Variants in GDAP1 observed in about 807,000 individuals in gnomAD.
The protein encoded by GDAP1 is ganglioside-induced differentiation-associated protein 1.
A neutral mutation model predicts 40.1 loss-of-function variants in GDAP1; 34 were observed. That is an observed-to-expected ratio of 0.85 (90% confidence interval 0.64 to 1.13). The LOEUF (loss-of-function observed/expected upper bound fraction) is 1.13. Among genes scored for constraint, GDAP1 ranks in the 50% most tolerant of loss-of-function variants. The pLI, the probability that GDAP1 is intolerant of heterozygous loss-of-function variation, is 0.00. For missense variants in GDAP1, 374 were observed against 433.7 expected (o/e 0.86, Z 1.22); for synonymous variants, 170 against 157.4 (o/e 1.08, Z -0.60).
At chr8:74,485,415 A>G (rs1375294563) in intron 2 of GDAP1, among the ~76,000 whole-genome samples, 2 of 152,182 alleles carry the variant, frequency 1.3e-5, no homozygotes, top group Non-Finnish European at 2.9e-5. Flanking sequence ...TCTAAAAGTC[A>G]CTATTAATAC....
At chr8:74,442,426 T>C (rs921843315) in intron 2 of GDAP1, among the ~76,000 whole-genome samples, 1 of 152,216 alleles carries the variant, frequency 6.6e-6, no homozygotes, top group African/African-American at 2.4e-5. Context: ...ACTTTTTTTG[T>C]TCATTGTGTT....
At chr8:74,375,775 A>G (rs1335734816) in intron 2 of GDAP1, among the ~76,000 whole-genome samples, 1 of 152,218 alleles carries the variant, frequency 6.6e-6, no homozygotes, top group Non-Finnish European at 1.5e-5. Flanking sequence ...CCATGGAGTA[A>G]TAGCCAGTGC....
intron 2 of GDAP1, among the ~76,000 whole-genome samples, chr8:74,467,566 G>T (rs1168646106): frequency 6.6e-6 from 1 of 152,198 alleles, no homozygotes; most frequent in Non-Finnish European, 1.5e-5. Flanking sequence ...AATCAGTAGG[G>T]CCTGGAGGGT....
intron 2 of GDAP1, 52 bp from the exon 3 acceptor site, chr8:74,360,085 G>A: frequency 7.3e-7 from 1 of 1,367,812 alleles, no homozygotes; most frequent in South Asian, 1.2e-5. Context: ...GCTTTTGAGT[G>A]TAACAACTCA....
At chr8:74,352,071 G>A (rs1808902334) in intron 2 of GDAP1, among the ~76,000 whole-genome samples, 1 of 152,202 alleles carries the variant, frequency 6.6e-6, no homozygotes, top group Non-Finnish European at 1.5e-5. Flanking sequence ...TCTGAGACAG[G>A]CATGGTAGAC....
chr8:74,488,607 T>C (rs1432108048), intron 2 of GDAP1: 1 of 152,198 alleles, frequency 6.6e-6, no homozygotes. Flanking sequence ...ACAAACTATA[T>C]AATTAAATGC....
chr8:74,409,438 G>C (rs1007010430), intron 2 of GDAP1, among the ~76,000 whole-genome samples: 1 of 149,640 alleles, frequency 6.7e-6, no homozygotes, highest in Non-Finnish European at 1.5e-5. Flanking sequence ...TGCAACCTCT[G>C]CCTCCCAGGC....
chr8:74,355,296 G>A (rs1380333939), intron 2 of GDAP1, among the ~76,000 whole-genome samples: 1 of 152,018 alleles, frequency 6.6e-6, no homozygotes, highest in Non-Finnish European at 1.5e-5. Flanking sequence ...CCATTTATTG[G>A]GTATTAATTT....
chr8:74,446,480 A>T (rs935944223), intron 2 of GDAP1, among the ~76,000 whole-genome samples: 3 of 152,150 alleles, frequency 2.0e-5, no homozygotes, highest in African/African-American at 4.8e-5. Flanking sequence ...CTTGAGAGAA[A>T]CTACAAAGAG....
At chr8:74,376,946 C>T (rs1809865031) in intron 2 of GDAP1, among the ~76,000 whole-genome samples, 1 of 152,036 alleles carries the variant, frequency 6.6e-6, no homozygotes, top group Non-Finnish European at 1.5e-5. Flanking sequence ...GGGGTCGATT[C>T]TGTTTTATTG....
At position 74,364,018 on chromosome 8, in the gene GDAP1, C is replaced by G. The variant is rs1256984085; in HGVS notation, c.728C>G (p.Ser243Cys). The G allele has an allele frequency of 1.2e-6, 2 of 1,613,530 alleles. No individual in the cohort carries two copies. Among genetic ancestry groups the G allele is most frequent in the African/African-American group, 1.3e-5 (1 of 74,900 alleles). Residue 243 changes from serine to cysteine, a missense_variant, in exon 6 of 6, where the codon TCC (serine) becomes TGC (cysteine). By Grantham distance (112) the Ser-to-Cys change is moderately radical. Coordinates refer to ENST00000220822, the MANE Select transcript of GDAP1 (RefSeq NM_018972.4). Reference sequence around the variant, plus strand: ...CAGCAACCTTGGCTCTGCGGTGAATCCTTCACCCTGGCAGACGTCTCACTC... The same window carrying G: ...CAGCAACCTTGGCTCTGCGGTGAATGCTTCACCCTGGCAGACGTCTCACTC... ...EGQQPWLCGE[S>C]FTLADVSLAV...
intron 2 of GDAP1, among the ~76,000 whole-genome samples, chr8:74,373,462 A>C (rs1379024650): frequency 6.6e-6 from 1 of 152,126 alleles, no homozygotes; most frequent in Non-Finnish European, 1.5e-5. Context: ...CTCCTTGAAG[A>C]GGTCCTTCAC....
downstream of GDAP1, among the ~76,000 whole-genome samples, chr8:74,371,577 G>A (rs1265142669): frequency 4.0e-5 from 6 of 151,596 alleles, no homozygotes; most frequent in Admixed American, 3.3e-4. Context: ...GGAGAATGGC[G>A]TGAACCCGGG....
At chr8:74,378,743 A>G (rs141012471) in intron 2 of GDAP1, among the ~76,000 whole-genome samples, 5 of 152,328 alleles carry the variant, frequency 3.3e-5, no homozygotes, top group East Asian at 3.9e-4. Context: ...CTTGGCACAT[A>G]CATAGCTATC....
chr8:74,387,860 C>T (rs915109980), intron 2 of GDAP1, among the ~76,000 whole-genome samples: 1 of 152,080 alleles, frequency 6.6e-6, no homozygotes, highest in Non-Finnish European at 1.5e-5. Flanking sequence ...AGTTTCAGAA[C>T]CTGTTATTGG....
At chr8:74,463,281 A>G (rs1311123995) in intron 2 of GDAP1, among the ~76,000 whole-genome samples, 4 of 142,252 alleles carry the variant, frequency 2.8e-5, no homozygotes, top group African/African-American at 1.1e-4. Flanking sequence ...GGGAGACCCC[A>G]TATGTATTAA....
chr8:74,371,202 A>G (rs1284329711), downstream of GDAP1, among the ~76,000 whole-genome samples: 2 of 152,264 alleles, frequency 1.3e-5, no homozygotes, highest in African/African-American at 4.8e-5. Flanking sequence ...AGGCCATAAA[A>G]CAAATCTCAC....
intron 2 of GDAP1, among the ~76,000 whole-genome samples, chr8:74,355,452 G>A (rs924796299): frequency 6.6e-6 from 1 of 152,184 alleles, no homozygotes; most frequent in African/African-American, 2.4e-5. Flanking sequence ...TTACTGTACA[G>A]TTTTATAGAC....
chr8:74,425,612 A>C (rs1339801794), intron 2 of GDAP1, among the ~76,000 whole-genome samples: 2 of 152,186 alleles, frequency 1.3e-5, no homozygotes, highest in Non-Finnish European at 2.9e-5. Flanking sequence ...TCAGAAACTA[A>C]AGTGCAGTTT....
Sources: allele counts gnomAD v4.1 joint callset (sites outside exome capture counted in the v4.1 genomes callset), GRCh38; gene constraint gnomAD v4.1.1; transcripts MANE v1.5; gene names NCBI Gene and HGNC (gene_info 2026-07-23, HGNC 2026-07-21).